Variants in LPIN1 observed in about 807,000 individuals in gnomAD.
LPIN1 encodes lipin 1, also known as phosphatidate phosphatase LPIN1.
A neutral mutation model predicts 107.5 loss-of-function variants in LPIN1; 71 were observed. The ratio of observed to expected loss-of-function variants is 0.66; its 90% confidence interval spans 0.55 to 0.80. The LOEUF is 0.80. Among genes scored for constraint, LPIN1 ranks in the 30% least tolerant of loss-of-function variants. LPIN1 has a pLI of 0.00. For synonymous variants in LPIN1, 445 were observed against 452.6 expected, an observed-to-expected ratio of 0.98 and a Z score of 0.21; for missense variants, 1,043 against 1,160.6, an observed-to-expected ratio of 0.90 and a Z score of 1.47.
intron 1 of LPIN1, among the ~76,000 whole-genome samples, chr2:11,692,823 C>G (rs556026774): frequency 6.6e-6 from 1 of 152,338 alleles, no homozygotes; most frequent in South Asian, 2.1e-4. Context: ...CATTTAAATT[C>G]TACCTCCAGA....
At chr2:11,737,999 A>G (rs1375779545) in intron 1 of LPIN1, among the ~76,000 whole-genome samples, 3 of 152,352 alleles carry the variant, frequency 2.0e-5, no homozygotes, top group East Asian at 3.8e-4. Context: ...ATGCCCATCA[A>G]TGATGGACTG....
chr2:11,798,151 C>T (rs1257354283), intron 14 of LPIN1, among the ~76,000 whole-genome samples: 1 of 152,202 alleles, frequency 6.6e-6, no homozygotes, highest in South Asian at 2.1e-4. Flanking sequence ...TTGTAAGTTT[C>T]CTGAGGCCTC....
At chr2:11,773,930 A>G (rs182339668) in intron 5 of LPIN1, among the ~76,000 whole-genome samples, 185 bp downstream of exon 5, 1 of 152,360 alleles carries the variant, frequency 6.6e-6, no homozygotes, top group East Asian at 1.9e-4. Flanking sequence ...ATACACTTAT[A>G]TCTGGTGTCA....
intron 1 of LPIN1, among the ~76,000 whole-genome samples, chr2:11,732,976 C>G (rs1665402618): frequency 6.7e-6 from 1 of 150,340 alleles, no homozygotes; most frequent in Non-Finnish European, 1.5e-5. Context: ...TCCCTCCGAC[C>G]AATATTTCCA....
At chr2:11,767,639 G>C in intron 2 of LPIN1, 124 bp from the exon 3 acceptor site, 1 of 731,028 alleles carries the variant, frequency 1.4e-6, no homozygotes, top group Non-Finnish European at 2.5e-6. Flanking sequence ...CTGAGACTGG[G>C]AGTTGTGTGG....
rs368945845 is a variant in LPIN1 at position 11,727,238 on chromosome 2, C to T, written c.-72+2699C>T. On this transcript the variant is annotated intron_variant, in intron 1 of 21. Transcript: ENST00000396097. ...CCCTCTTTCTTTCTACATGTACTAA[C>T]TGGAATTCTTCTTTAAGGAAAAGTA... Among the ~76,000 whole-genome samples the T allele has an allele frequency of 2.0e-5, 3 of 152,182 alleles. No homozygotes were observed. In the East Asian group the frequency reaches 5.8e-4, roughly 29 times the overall value.
rs374399999 is a variant in LPIN1, at chr2:11,787,298, A to G, written c.1643+131A>G. ...CTTTGCTACATTGCATTATTGCATTATCTTCACTGTGGTCAGGGTTCCATG... is the reference window on the plus strand; with the variant it reads ...CTTTGCTACATTGCATTATTGCATTGTCTTCACTGTGGTCAGGGTTCCATG... On this transcript the variant is annotated intron_variant, in intron 11 of 20. Transcript: ENST00000674199. The G allele has an allele frequency of 7.5e-4, 528 of 701,390 alleles. 3 individuals carry two copies. In the South Asian group the frequency reaches 8.1e-3, roughly 11 times the overall value. 43.4% of individuals were successfully genotyped at this position (701,390 alleles called of 1,614,324 possible). A position where few individuals can be genotyped will look rare whatever the true frequency, so the allele number is the denominator to read the frequency against.
At chr2:11,760,607 T>C (rs1264124144) in intron 1 of LPIN1, among the ~76,000 whole-genome samples, 5 of 151,402 alleles carry the variant, frequency 3.3e-5, no homozygotes, top group African/African-American at 1.2e-4. Flanking sequence ...GGCAGGGAGG[T>C]TGCAGTGAGC....
At chr2:11,718,877 A>G (rs1663930615) in intron 2 of LPIN1, among the ~76,000 whole-genome samples, 1 of 152,158 alleles carries the variant, frequency 6.6e-6, no homozygotes, top group South Asian at 2.1e-4. Context: ...AGATATTCCG[A>G]GAGATGAAAG....
intron 1 of LPIN1, among the ~76,000 whole-genome samples, chr2:11,759,906 G>C (rs1274690232): frequency 1.5e-5 from 2 of 137,482 alleles, no homozygotes; most frequent in African/African-American, 5.4e-5. Context: ...GGGCGGAGAC[G>C]CTCCTCACTT....
At chr2:11,773,196 T>C (rs2148637748) in intron 4 of LPIN1, among the ~76,000 whole-genome samples, 1 of 152,376 alleles carries the variant, frequency 6.6e-6, no homozygotes, top group African/African-American at 2.4e-5. Context: ...AGACAAAATG[T>C]GATCAGCGTA....
intron 1 of LPIN1, among the ~76,000 whole-genome samples, chr2:11,713,340 G>A (rs1340003259): frequency 6.6e-6 from 1 of 152,240 alleles, no homozygotes; most frequent in African/African-American, 2.4e-5. Flanking sequence ...GCACTATCTC[G>A]GCTCACTGCA....
intron 1 of LPIN1, among the ~76,000 whole-genome samples, chr2:11,762,278 C>T (rs1669961984): frequency 6.6e-6 from 1 of 152,294 alleles, no homozygotes; most frequent in Middle Eastern, 3.4e-3. Flanking sequence ...GCACCCCAGC[C>T]TCCCAGCACT....
Position 11,686,786 on chromosome 2 carries a change from G to A in LPIN1, c.81+9058G>A, listed in dbSNP as rs188652550. On this transcript the variant is annotated intron_variant, in intron 1 of 21. Coordinates refer to the LPIN1 transcript ENST00000449576. ...CCCTCACAGTGTTTGCAGTTGGAAT[G>A]TGTGTCCATTAGTGATTAATCGATA... Among the ~76,000 whole-genome samples the A allele has an allele frequency of 3.9e-5, 6 of 152,244 alleles. No homozygotes were observed. In the East Asian group the frequency reaches 5.8e-4, roughly 15 times the overall value.
chr2:11,733,372 C>G (rs1455864200), intron 1 of LPIN1, among the ~76,000 whole-genome samples: 1 of 152,144 alleles, frequency 6.6e-6, no homozygotes, highest in Non-Finnish European at 1.5e-5. Flanking sequence ...TGTATGGACA[C>G]AAAGACACAC....
intron 1 of LPIN1, among the ~76,000 whole-genome samples, chr2:11,706,548 A>G (rs1663137185): frequency 6.6e-6 from 1 of 152,256 alleles, no homozygotes; most frequent in Non-Finnish European, 1.5e-5. Flanking sequence ...TGCCCTTGCT[A>G]TCTGGGAAGA....
chr2:11,717,176 A>G (rs1363740302), intron 2 of LPIN1, among the ~76,000 whole-genome samples: 1 of 152,200 alleles, frequency 6.6e-6, no homozygotes, highest in Non-Finnish European at 1.5e-5. Flanking sequence ...ACTGGGAAAT[A>G]CTGGCTCACA....
At chr2:11,792,069 G>T in intron 13 of LPIN1, 63 bp downstream of exon 13, 1 of 1,347,628 alleles carries the variant, frequency 7.4e-7, no homozygotes, top group Non-Finnish European at 1.1e-6. Context: ...TAGTGAGATT[G>T]GTTTTCATGT....
At chr2:11,726,607 C>A (rs1016366632) in intron 1 of LPIN1, among the ~76,000 whole-genome samples, 1 of 152,140 alleles carries the variant, frequency 6.6e-6, no homozygotes, top group Non-Finnish European at 1.5e-5. Flanking sequence ...CCCTCCTCCC[C>A]CTCCCAAACT....
Sources: gnomAD v4.1 joint callset for allele counts (sites outside exome capture counted in the v4.1 genomes callset) on GRCh38, gnomAD v4.1.1 for gene constraint, MANE v1.5 for transcripts, NCBI Gene and HGNC (gene_info 2026-07-23, HGNC 2026-07-21) for gene names.